PLCL1: variants seen among roughly 807,000 people sequenced by gnomAD.
PLCL1 encodes the protein inactive phospholipase C-like protein 1.
Under a neutral mutation model 84.4 loss-of-function variants are expected in PLCL1, and 41 were observed. That is an observed-to-expected ratio of 0.49 (90% confidence interval 0.38 to 0.63). PLCL1 has a LOEUF of 0.63. Among genes scored for constraint, PLCL1 ranks in the 30% least tolerant of loss-of-function variants. PLCL1 has a pLI of 0.00. For missense variants in PLCL1, 1,206 were observed against 1,367.8 expected (o/e 0.88, Z 1.87); for synonymous variants, 490 against 488.3 (o/e 1.00, Z -0.05).
At chr2:198,086,293 T>G (rs1288793543) in intron 2 of PLCL1, 61 bp downstream of exon 2, 2 of 1,204,124 alleles carry the variant, frequency 1.7e-6, no homozygotes, top group African/African-American at 3.1e-5. Flanking sequence ...GTATAATGTT[T>G]TATTAATAAT....
At chr2:197,854,970 G>A (rs186918556) in intron 1 of PLCL1, among the ~76,000 whole-genome samples, 1 of 152,174 alleles carries the variant, frequency 6.6e-6, no homozygotes, top group Non-Finnish European at 1.5e-5. Flanking sequence ...TGGTCATTGT[G>A]AATATTCTTT....
chr2:198,147,200 A>C lies in PLCL1; in HGVS notation c.*238A>C. ...AACACCCCTGTGTGGATGCCTGTGGAAGAGTGTGTGTGTGTGTGTGTGTGT... is the reference window on the plus strand; with the variant it reads ...AACACCCCTGTGTGGATGCCTGTGGCAGAGTGTGTGTGTGTGTGTGTGTGT... On this transcript the variant is annotated 3_prime_UTR_variant, in exon 6 of 6. Transcript: ENST00000428675. The C allele has an allele frequency of 1.4e-5, 2 of 146,418 alleles. No individual in the cohort carries two copies. Among genetic ancestry groups the C allele is most frequent in the African/African-American group, 6.2e-5 (1 of 16,020 alleles). 9.1% of individuals were successfully genotyped at this position (146,418 alleles called of 1,614,324 possible). A position where few individuals can be genotyped will look rare whatever the true frequency, so the allele number is the denominator to read the frequency against.
chr2:198,132,416 C>T (rs190707966), intron 5 of PLCL1, among the ~76,000 whole-genome samples: 29 of 152,146 alleles, frequency 1.9e-4, no homozygotes, highest in Admixed American at 3.3e-4. Flanking sequence ...GGATTCTCTA[C>T]ATGGTGATAG....
chr2:198,129,004 A>G (rs924682972), intron 5 of PLCL1, among the ~76,000 whole-genome samples: 2 of 152,186 alleles, frequency 1.3e-5, no homozygotes, highest in African/African-American at 2.4e-5. Flanking sequence ...AGATCTTAAG[A>G]CACAGTAGGC....
At chr2:198,083,160 C>A (rs1410362772) in intron 1 of PLCL1, among the ~76,000 whole-genome samples, 1 of 152,114 alleles carries the variant, frequency 6.6e-6, no homozygotes, top group Non-Finnish European at 1.5e-5. Context: ...ATGTTAAAAT[C>A]AAATTGTTTA....
intron 5 of PLCL1, among the ~76,000 whole-genome samples, chr2:198,128,213 A>G (rs529526451): frequency 6.6e-6 from 1 of 152,274 alleles, no homozygotes; most frequent in Admixed American, 6.5e-5. Context: ...ATTCCAAAAA[A>G]TTCCAAAAAG....
In PLCL1 at chr2:197,896,262, A is replaced by C. The variant is rs747223172; in HGVS notation, c.240+90923A>C. Among the ~76,000 whole-genome samples, 41 of 152,040 alleles carry C rather than the reference A, an allele frequency of 2.7e-4. 1 individual carries two copies. Among genetic ancestry groups the C allele is most frequent in the Admixed American group, 5.2e-4 (8 of 15,256 alleles). On this transcript the variant is annotated intron_variant, in intron 1 of 5. Coordinates refer to ENST00000428675, the MANE Select transcript of PLCL1 (RefSeq NM_006226.4). ...TTAATACCAAATTCCGTATTAATTC[A>C]AGTATAATTGTACTTTACAAACTCT...
intron 5 of PLCL1, among the ~76,000 whole-genome samples, chr2:198,126,416 T>C (rs1693985826): frequency 6.6e-6 from 1 of 152,192 alleles, no homozygotes; most frequent in African/African-American, 2.4e-5. Flanking sequence ...ACTTTTTGTC[T>C]TTAGGTTTTG....
chr2:197,964,632 G>A lies in PLCL1; in HGVS notation c.241-119126G>A, dbSNP rs144796080. Among the ~76,000 whole-genome samples the A allele has an allele frequency of 6.3e-4, 96 of 151,910 alleles. 3 individuals are homozygous for A. In the South Asian group the frequency reaches 0.014, roughly 22 times the overall value. On this transcript the variant is annotated intron_variant, in intron 1 of 5. Coordinates refer to ENST00000428675, the MANE Select transcript of PLCL1 (RefSeq NM_006226.4). ...CTCTAGCTAGGAGTTCCAATTAATGGTGGTAAAATGGGCATCCTTGTCATG... is the reference window on the plus strand; with the variant it reads ...CTCTAGCTAGGAGTTCCAATTAATGATGGTAAAATGGGCATCCTTGTCATG...
chr2:197,912,568 G>A (rs1351226209), intron 1 of PLCL1, among the ~76,000 whole-genome samples: 1 of 150,284 alleles, frequency 6.7e-6, no homozygotes, highest in Non-Finnish European at 1.5e-5. Context: ...TGATAGACTG[G>A]ATTAAGAAAA....
At chr2:197,947,203 G>A (rs1259120702) in intron 1 of PLCL1, among the ~76,000 whole-genome samples, 5 of 148,380 alleles carry the variant, frequency 3.4e-5, no homozygotes, top group Non-Finnish European at 5.9e-5. Context: ...ATGAAATCAG[G>A]TAATAAAGAG....
At chr2:197,877,669 A>G (rs1427933066) in intron 1 of PLCL1, among the ~76,000 whole-genome samples, 1 of 152,198 alleles carries the variant, frequency 6.6e-6, no homozygotes, top group Non-Finnish European at 1.5e-5. Context: ...TAATTCTAAA[A>G]TATAAACAAT....
chr2:198,105,344 C>A (rs966309981), intron 5 of PLCL1, among the ~76,000 whole-genome samples: 4 of 151,948 alleles, frequency 2.6e-5, no homozygotes, highest in African/African-American at 9.7e-5. Flanking sequence ...AGCATTATTT[C>A]TGAGCTCTCT....
At chr2:197,847,611 C>T (rs1687147944) in intron 1 of PLCL1, among the ~76,000 whole-genome samples, 1 of 152,102 alleles carries the variant, frequency 6.6e-6, no homozygotes, top group Admixed American at 6.6e-5. Flanking sequence ...TTTATGTGGA[C>T]ATGTACTCAC....
At chr2:197,821,366 C>T (rs1009591910) in intron 1 of PLCL1, among the ~76,000 whole-genome samples, 7 of 152,250 alleles carry the variant, frequency 4.6e-5, no homozygotes, top group Non-Finnish European at 8.8e-5. Context: ...ATACTTTCAT[C>T]TGATGGGAGG....
chr2:198,135,378 C>T (rs143667418), intron 5 of PLCL1, among the ~76,000 whole-genome samples: 1 of 152,248 alleles, frequency 6.6e-6, no homozygotes, highest in African/African-American at 2.4e-5. Flanking sequence ...AATATTCTGT[C>T]CTATCCTATT....
At chr2:197,853,105 G>A (rs1381718329) in intron 1 of PLCL1, among the ~76,000 whole-genome samples, 1 of 152,074 alleles carries the variant, frequency 6.6e-6, no homozygotes, top group African/African-American at 2.4e-5. Context: ...TCATATAAAT[G>A]GAATCGTACA....
chr2:197,942,941 T>A (rs1234537679), intron 1 of PLCL1, among the ~76,000 whole-genome samples: 1 of 152,106 alleles, frequency 6.6e-6, no homozygotes, highest in African/African-American at 2.4e-5. Flanking sequence ...GTGTAGTGGC[T>A]AACACCTGCA....
At chr2:197,987,932 A>G (rs1366414220) in intron 1 of PLCL1, among the ~76,000 whole-genome samples, 3 of 152,160 alleles carry the variant, frequency 2.0e-5, no homozygotes, top group Non-Finnish European at 2.9e-5. Context: ...TGGAGGGTGC[A>G]TTTTTGAATG....
Sources: gnomAD v4.1 joint callset for allele counts (sites outside exome capture counted in the v4.1 genomes callset) on GRCh38, gnomAD v4.1.1 for gene constraint, MANE v1.5 for transcripts, NCBI Gene and HGNC (gene_info 2026-07-23, HGNC 2026-07-21) for gene names.